Variants in CNTNAP4 observed in about 807,000 individuals in gnomAD.
The protein encoded by CNTNAP4 is contactin associated protein family member 4.
Under a neutral mutation model 148.4 loss-of-function variants are expected in CNTNAP4, and 98 were observed. The ratio of observed to expected loss-of-function variants is 0.66; its 90% CI spans 0.56 to 0.78. The LOEUF (loss-of-function observed/expected upper bound fraction) is 0.78, where lower values mean the gene tolerates loss of function less well. Among genes scored for constraint, CNTNAP4 ranks in the 30% least tolerant of loss-of-function variants. CNTNAP4 has a pLI of 0.00. For synonymous variants in CNTNAP4, 730 were observed against 565.1 expected (o/e 1.29, Z -4.14); for missense variants, 1,935 against 1,565.6 (o/e 1.24, Z -3.98).
At chr16:76,310,420 G>A (rs1426077181) in intron 1 of CNTNAP4, among the ~76,000 whole-genome samples, 1 of 152,156 alleles carries the variant, frequency 6.6e-6, no homozygotes, top group African/African-American at 2.4e-5. Flanking sequence ...GATGGAAATT[G>A]TAATATAGAT....
At chr16:76,348,202 T>C (rs1269590820) in intron 2 of CNTNAP4, among the ~76,000 whole-genome samples, 1 of 151,642 alleles carries the variant, frequency 6.6e-6, no homozygotes, top group Admixed American at 6.6e-5. Flanking sequence ...TTTTTTTTTT[T>C]GTACTGAGAA....
intron 15 of CNTNAP4, 126 bp from the exon 16 acceptor site, chr16:76,521,014 G>C (rs2083431017): frequency 1.2e-6 from 1 of 843,988 alleles, no homozygotes; most frequent in African/African-American, 1.7e-5. Flanking sequence ...AAAAAGAGCA[G>C]ATTTGTATAA....
intron 3 of CNTNAP4, among the ~76,000 whole-genome samples, chr16:76,375,826 C>T (rs544951490): frequency 6.6e-6 from 1 of 152,258 alleles, no homozygotes; most frequent in African/African-American, 2.4e-5. Context: ...AAGGTCAGTG[C>T]TGGAGCCACA....
intron 2 of CNTNAP4, among the ~76,000 whole-genome samples, chr16:76,336,414 T>C (rs886468883): frequency 6.6e-6 from 1 of 152,164 alleles, no homozygotes; most frequent in African/African-American, 2.4e-5. Context: ...ACCACGGGAA[T>C]TGACAAATAC....
rs770807360 is a variant in CNTNAP4 at position 76,462,036 on chromosome 16, C to A, written c.1414C>A (p.Gln472Lys). The change falls in exon 9 of 24, where the codon CAG (glutamine) becomes AAG (lysine). Residue 472 changes from glutamine (Q) to lysine (K), a missense_variant. Transcript: ENST00000611870. ...KNHLSVAVDG[Q>K]MASAAPLLGP... ...TCACTTGAGTGTGGCGGTGGACGGC[C>A]AGATGGCTTCTGCTGCTCCTCTGCT... is the stretch of plus-strand genomic sequence containing the variant. The A allele has an allele frequency of 6.2e-7, 1 of 1,613,660 alleles. No individual in the cohort carries two copies. The highest frequency in any genetic ancestry group is 1.3e-5 in the African/African-American group (1 of 74,904).
At chr16:76,368,055 G>A (rs1239575719) in intron 3 of CNTNAP4, among the ~76,000 whole-genome samples, 1 of 152,136 alleles carries the variant, frequency 6.6e-6, no homozygotes, top group Admixed American at 6.6e-5. Flanking sequence ...TCAATTAGCT[G>A]CAAAGTATGA....
At chr16:76,451,892 T>C (rs2080496419) in intron 7 of CNTNAP4, among the ~76,000 whole-genome samples, 1 of 152,128 alleles carries the variant, frequency 6.6e-6, no homozygotes, top group South Asian at 2.1e-4. Flanking sequence ...TTTGTAATGT[T>C]CTCAACACAA....
At chr16:76,457,801 A>AT (rs5817995) in intron 8 of CNTNAP4, among the ~76,000 whole-genome samples, 51,827 of 151,156 alleles carry the variant, frequency 0.34, 9,970 homozygotes, top group Middle Eastern at 0.44. Context: ...TTTACTTTTT[A>AT]TTTTTTTTTA....
chr16:76,543,174 T>A (rs1362439528), intron 21 of CNTNAP4, among the ~76,000 whole-genome samples: 1 of 151,720 alleles, frequency 6.6e-6, no homozygotes, highest in Non-Finnish European at 1.5e-5. Context: ...GTCAACTGAC[T>A]CTCCTAAAAG....
At chr16:76,318,267 C>T (rs1392218544) in intron 2 of CNTNAP4, among the ~76,000 whole-genome samples, 1 of 152,222 alleles carries the variant, frequency 6.6e-6, no homozygotes, top group Non-Finnish European at 1.5e-5. Context: ...GTGAAAGGAA[C>T]ACAACATTTT....
Position 76,316,479 on chromosome 16 carries a change from C to G in CNTNAP4, c.152C>G (p.Ser51Cys), listed in dbSNP as rs1961767199. 2 of 1,613,840 alleles carry G rather than the reference C, an allele frequency of 1.2e-6. No homozygotes were observed. The highest frequency in any genetic ancestry group is 1.7e-6 in the Non-Finnish European group (2 of 1,179,808). ...TCCTTCAGCAGTTCTTCCGAGCTCT[C>G]CAGCAGTCATGGTCCTGGATTTGCA... ...QASFSSSSELSSSHGPGFARL... is the reference protein window; with the variant it reads ...QASFSSSSELCSSHGPGFARL... The change falls in exon 2 of 24, where the codon TCC becomes TGC. Residue 51 changes from serine (S) to cysteine (C), a missense_variant. Coordinates refer to ENST00000611870, the MANE Select transcript of CNTNAP4 (RefSeq NM_033401.5).
chr16:76,292,344 C>G (rs1363761955), intron 1 of CNTNAP4, among the ~76,000 whole-genome samples: 1 of 152,166 alleles, frequency 6.6e-6, no homozygotes, highest in Non-Finnish European at 1.5e-5. Context: ...CAACCATGAA[C>G]CTGTGGTGGT....
At chr16:76,328,137 A>G (rs1963176444) in intron 2 of CNTNAP4, among the ~76,000 whole-genome samples, 1 of 152,266 alleles carries the variant, frequency 6.6e-6, no homozygotes, top group Non-Finnish European at 1.5e-5. Context: ...TAAGATGTGT[A>G]TAACAACTTC....
At chr16:76,412,869 T>C (rs2078846222) in intron 3 of CNTNAP4, among the ~76,000 whole-genome samples, 1 of 151,536 alleles carries the variant, frequency 6.6e-6, no homozygotes, top group African/African-American at 2.4e-5. Context: ...CGTGAAAATA[T>C]TCAGCTATGT....
At chr16:76,280,180 C>T (rs1041003064) in intron 1 of CNTNAP4, among the ~76,000 whole-genome samples, 3 of 152,044 alleles carry the variant, frequency 2.0e-5, no homozygotes, top group African/African-American at 7.2e-5. Context: ...AGCTGATGAG[C>T]CAGGAGCAAA....
intron 7 of CNTNAP4, among the ~76,000 whole-genome samples, chr16:76,451,605 G>GTGTGTGTGTGTGTGTGTGTGTC: frequency 6.7e-6 from 1 of 149,738 alleles, no homozygotes; most frequent in East Asian, 2.1e-4. Context: ...ATAGATGTGT[G>GTGTGTGTGTGTGTGTGTGTGTC]TGTGTGTGTG....
chr16:76,497,449 A>G (rs1236795856), intron 14 of CNTNAP4, among the ~76,000 whole-genome samples: 1 of 152,206 alleles, frequency 6.6e-6, no homozygotes, highest in African/African-American at 2.4e-5. Flanking sequence ...TACAAAAAAT[A>G]TGGAATAAAC....
chr16:76,389,815 C>T (rs915517692), intron 3 of CNTNAP4, among the ~76,000 whole-genome samples: 2 of 152,096 alleles, frequency 1.3e-5, no homozygotes, highest in Admixed American at 6.6e-5. Context: ...CCTATTCTGT[C>T]CTCAGATATT....
chr16:76,353,392 G>A (rs1225663476), intron 2 of CNTNAP4, among the ~76,000 whole-genome samples: 1 of 152,176 alleles, frequency 6.6e-6, no homozygotes, highest in Non-Finnish European at 1.5e-5. Context: ...AGGAGTACAT[G>A]TGCAGTTTGT....
Sources: allele counts gnomAD v4.1 joint callset (sites outside exome capture counted in the v4.1 genomes callset), GRCh38; gene constraint gnomAD v4.1.1; transcripts MANE v1.5; gene names NCBI Gene and HGNC (gene_info 2026-07-23, HGNC 2026-07-21).